The following CACNG3 variants were observed in gnomAD, a reference collection of about 807,000 sequenced individuals.
The protein encoded by CACNG3 is calcium voltage-gated channel auxiliary subunit gamma 3.
In CACNG3, 3 loss-of-function variants were observed where a neutral mutation model predicts 28.5. The observed-to-expected ratio is 0.11, with a 90% confidence interval of 0.05 to 0.27. The LOEUF is 0.27. Among genes scored for constraint, CACNG3 ranks in the 10% least tolerant of loss-of-function variants. The pLI, the probability that CACNG3 is intolerant of heterozygous loss-of-function variation, is 1.00. For synonymous variants in CACNG3, 174 were observed against 162.2 expected (o/e 1.07, Z -0.55); for missense variants, 236 against 414.4 (o/e 0.57, Z 3.74).
chr16:24,332,194 G>A (rs564973855), intron 1 of CACNG3, among the ~76,000 whole-genome samples: 2 of 152,290 alleles, frequency 1.3e-5, no homozygotes, highest in Admixed American at 6.5e-5. Context: ...CGGGTGCAAT[G>A]GCTCATGCCT....
At chr16:24,357,345 C>G (rs930130951) in intron 3 of CACNG3, among the ~76,000 whole-genome samples, 11 of 152,026 alleles carry the variant, frequency 7.2e-5, no homozygotes, top group African/African-American at 2.7e-4. Context: ...TGGCTCCACC[C>G]TTTACACATG....
intron 1 of CACNG3, among the ~76,000 whole-genome samples, chr16:24,321,669 A>T (rs11074615): frequency 4.3e-4 from 66 of 151,998 alleles, no homozygotes; most frequent in Admixed American, 1.3e-4. Context: ...GACTTACAAA[A>T]GAAAAGAAAA....
chr16:24,286,165 T>C (rs1376510841), intron 1 of CACNG3, among the ~76,000 whole-genome samples: 1 of 152,230 alleles, frequency 6.6e-6, no homozygotes, highest in African/African-American at 2.4e-5. Flanking sequence ...CCTTTGTTCA[T>C]GGACATTCAT....
intron 2 of CACNG3, among the ~76,000 whole-genome samples, chr16:24,350,762 T>A (rs1004789462): frequency 2.0e-5 from 3 of 152,172 alleles, no homozygotes; most frequent in Admixed American, 6.5e-5. Context: ...GCAATTCCTG[T>A]CAATATACAA....
chr16:24,284,228 T>G (rs1315812933), intron 1 of CACNG3, among the ~76,000 whole-genome samples: 2 of 152,230 alleles, frequency 1.3e-5, no homozygotes, highest in East Asian at 3.8e-4. Context: ...TGTGTGTTAT[T>G]TTTGTTAAGG....
At chr16:24,275,119 GGAA>G (rs1898736891) in intron 1 of CACNG3, among the ~76,000 whole-genome samples, 1 of 152,026 alleles carries the variant, frequency 6.6e-6, no homozygotes, top group Admixed American at 6.6e-5. Flanking sequence ...CAGCTACTCA[GGAA>G]GCTGAAGTGA....
intron 1 of CACNG3, among the ~76,000 whole-genome samples, chr16:24,319,758 C>T (rs1252393455): frequency 2.0e-5 from 3 of 151,144 alleles, no homozygotes; most frequent in Non-Finnish European, 4.4e-5. Flanking sequence ...CCAGACTTGT[C>T]AGGGTTATTT....
intron 1 of CACNG3, among the ~76,000 whole-genome samples, chr16:24,328,389 C>CA (rs1344820737): frequency 6.7e-6 from 1 of 149,538 alleles, no homozygotes; most frequent in Non-Finnish European, 1.5e-5. Context: ...GCTGGGGCCA[C>CA]ATCACAGAGG....
intron 1 of CACNG3, among the ~76,000 whole-genome samples, chr16:24,307,576 C>T (rs953116603): frequency 2.0e-5 from 3 of 152,120 alleles, no homozygotes; most frequent in African/African-American, 7.2e-5. Flanking sequence ...CCCAAAAAAC[C>T]TCTGGTATGC....
chr16:24,340,805 G>A (rs1003953760), intron 1 of CACNG3, among the ~76,000 whole-genome samples: 6 of 152,234 alleles, frequency 3.9e-5, no homozygotes, highest in South Asian at 2.1e-4. Flanking sequence ...CTCAGGGCCC[G>A]GCTCTCACAC....
intron 3 of CACNG3, among the ~76,000 whole-genome samples, chr16:24,357,303 A>G (rs1900046122): frequency 1.3e-5 from 2 of 151,832 alleles, no homozygotes. Context: ...CAGTATGGGG[A>G]AAACTCCTGT....
At chr16:24,343,790 A>G (rs1329533721) in intron 1 of CACNG3, among the ~76,000 whole-genome samples, 2 of 152,134 alleles carry the variant, frequency 1.3e-5, no homozygotes, top group Non-Finnish European at 2.9e-5. Context: ...TTGCCTCATT[A>G]TAACATTAGG....
intron 1 of CACNG3, among the ~76,000 whole-genome samples, chr16:24,257,368 GGAGAGA>G (rs71154293): frequency 0.011 from 572 of 52,808 alleles, 14 homozygotes; most frequent in Non-Finnish European, 0.013. Context: ...AAGTGAGGGG[GGAGAGA>G]GAGAGAGAGA....
intron 1 of CACNG3, among the ~76,000 whole-genome samples, chr16:24,305,881 A>G (rs1207388994): frequency 1.3e-5 from 2 of 152,160 alleles, no homozygotes; most frequent in South Asian, 2.1e-4. Flanking sequence ...TTGTTACCCA[A>G]GGTGGGGTCT....
At chr16:24,314,029 T>C (rs1042061414) in intron 1 of CACNG3, among the ~76,000 whole-genome samples, 1 of 152,110 alleles carries the variant, frequency 6.6e-6, no homozygotes, top group Admixed American at 6.6e-5. Context: ...CCCAAAGTGC[T>C]CATCACACCT....
chr16:24,322,451 C>G (rs1461923700), intron 1 of CACNG3, among the ~76,000 whole-genome samples: 3 of 152,104 alleles, frequency 2.0e-5, no homozygotes, highest in African/African-American at 7.2e-5. Context: ...ACTAAACACA[C>G]TCTTTTTTCT....
intron 1 of CACNG3, among the ~76,000 whole-genome samples, chr16:24,338,940 A>G (rs912220654): frequency 6.6e-6 from 1 of 152,240 alleles, no homozygotes; most frequent in African/African-American, 2.4e-5. Context: ...ATCATCACAC[A>G]TGCTATTCCC....
At chr16:24,298,626 A>G (rs978450181) in intron 1 of CACNG3, among the ~76,000 whole-genome samples, 2 of 152,210 alleles carry the variant, frequency 1.3e-5, no homozygotes, top group Admixed American at 1.3e-4. Context: ...GTTCCAACTA[A>G]TGGACCAGCA....
intron 1 of CACNG3, among the ~76,000 whole-genome samples, chr16:24,267,368 G>T (rs1388559660): frequency 3.3e-5 from 5 of 151,924 alleles, no homozygotes; most frequent in African/African-American, 1.2e-4. Context: ...GCTCACTGCG[G>T]CCTCGACCTC....
Sources: gnomAD v4.1 joint callset for allele counts (sites outside exome capture counted in the v4.1 genomes callset) on GRCh38, gnomAD v4.1.1 for gene constraint, MANE v1.5 for transcripts, NCBI Gene and HGNC (gene_info 2026-07-23, HGNC 2026-07-21) for gene names.